The following FRMD4A variants were observed in gnomAD, a reference collection of about 807,000 sequenced individuals.
FRMD4A encodes the protein FERM domain-containing protein 4A.
In FRMD4A, 29 loss-of-function variants were observed where a neutral mutation model predicts 129.1. The observed-to-expected ratio is 0.22, with a 90% CI of 0.17 to 0.31. The LOEUF (loss-of-function observed/expected upper bound fraction) is 0.31, where lower values mean the gene tolerates loss of function less well. Ranked by LOEUF, FRMD4A falls within the 10% of genes least tolerant of loss-of-function variation. The pLI is 1.00. For missense variants in FRMD4A, 1,272 were observed against 1,375.8 expected, an observed-to-expected ratio of 0.92 and a Z score of 1.19; for synonymous variants, 634 against 571.6, an observed-to-expected ratio of 1.11 and a Z score of -1.56.
chr10:14,252,270 G>A (rs1589229776), intron 2 of FRMD4A, among the ~76,000 whole-genome samples: 4 of 152,036 alleles, frequency 2.6e-5, no homozygotes, highest in Middle Eastern at 3.2e-3. Flanking sequence ...CTAACTACAG[G>A]AAATTATCAA....
At chr10:14,100,493 C>A (rs1588974790) in intron 2 of FRMD4A, among the ~76,000 whole-genome samples, 1 of 152,092 alleles carries the variant, frequency 6.6e-6, no homozygotes, top group Non-Finnish European at 1.5e-5. Context: ...AATGACTTTT[C>A]CACCCTATTT....
chr10:13,656,722 C>G lies in FRMD4A; in HGVS notation c.2867G>C (p.Gly956Ala). The change falls in exon 22 of 25, where the codon GGC (glycine) becomes GCC (alanine). Residue 956 changes from glycine (G) to alanine (A), a missense_variant. By Grantham distance (60) the Gly-to-Ala change is moderately conservative. Coordinates refer to ENST00000357447, the MANE Select transcript of FRMD4A (RefSeq NM_018027.5). The stretch of plus-strand genomic sequence containing the variant: ...CTGGGAGGAGGTGCTGTACTGCGAG[C>G]CGCTGTCCGAGGAGGTGGAGCTGGT... ...SHTSSTSSDS[G>A]SQYSTSSQST... 1.3e-6 allele frequency: 2 copies of G among 1,589,572 alleles called. No individual in the cohort carries two copies. Among genetic ancestry groups the G allele is most frequent in the Non-Finnish European group, 1.7e-6 (2 of 1,169,280 alleles).
rs2094848818 is a variant in FRMD4A at position 13,903,777 on chromosome 10, A to G, written c.46-44865T>C. On this transcript the variant is annotated intron_variant, in intron 2 of 24. Transcript: ENST00000357447. ...ATGTGCCTGTGGTCCCAGCTACCCT[A>G]GAGGCAGAAGTGGGAAGATGGTGTG... 2.6e-5 allele frequency among the ~76,000 whole-genome samples: 4 copies of G among 152,096 alleles called. No individual in the cohort carries two copies. In the South Asian group the frequency reaches 8.3e-4, roughly 32 times the overall value.
chr10:13,782,784 CCATTT>C (rs2130782409), intron 6 of FRMD4A, 133 bp downstream of exon 6: 4 of 656,946 alleles, frequency 6.1e-6, no homozygotes, highest in Non-Finnish European at 1.1e-5. Flanking sequence ...TCATAACATT[CCATTT>C]ATTTATAGTA....
chr10:14,133,136 A>G (rs75786462), intron 2 of FRMD4A, among the ~76,000 whole-genome samples: 3,609 of 152,284 alleles, frequency 0.024, 66 homozygotes, highest in South Asian at 0.037. Context: ...AATGATTTCA[A>G]TTTAGCACAT....
chr10:13,758,623 A>C (rs1404710619), intron 8 of FRMD4A, among the ~76,000 whole-genome samples: 1 of 152,080 alleles, frequency 6.6e-6, no homozygotes, highest in Non-Finnish European at 1.5e-5. Context: ...TGCCTTATGC[A>C]GGGGAGGAGA....
chr10:13,974,878 C>T (rs1219102480), intron 2 of FRMD4A, among the ~76,000 whole-genome samples: 1 of 152,232 alleles, frequency 6.6e-6, no homozygotes, highest in Non-Finnish European at 1.5e-5. Flanking sequence ...CAGCTCCCCA[C>T]GTGGCCTCTG....
At chr10:14,161,813 T>C (rs1366726534) in intron 2 of FRMD4A, among the ~76,000 whole-genome samples, 1 of 152,192 alleles carries the variant, frequency 6.6e-6, no homozygotes, top group Admixed American at 6.5e-5. Flanking sequence ...TTTGAAATGT[T>C]CTCAACACAA....
chr10:14,286,705 T>C (rs1180533623), intron 2 of FRMD4A, among the ~76,000 whole-genome samples: 2 of 152,158 alleles, frequency 1.3e-5, no homozygotes, highest in Admixed American at 1.3e-4. Flanking sequence ...GAGGCCGTAA[T>C]CTTTCCCCAG....
intron 2 of FRMD4A, among the ~76,000 whole-genome samples, chr10:13,884,206 A>ACACACACACT (rs2094589487): frequency 1.2e-5 from 1 of 83,336 alleles, no homozygotes; most frequent in East Asian, 3.5e-4. Context: ...TCACACACAC[A>ACACACACACT]CTCACACACA....
At chr10:14,193,587 T>G (rs899081975) in intron 2 of FRMD4A, among the ~76,000 whole-genome samples, 1 of 151,476 alleles carries the variant, frequency 6.6e-6, no homozygotes, top group African/African-American at 2.4e-5. Context: ...TACAATTTAG[T>G]TGGGCAAAGA....
chr10:13,995,677 C>T (rs1482562666), intron 2 of FRMD4A, among the ~76,000 whole-genome samples: 2 of 152,202 alleles, frequency 1.3e-5, no homozygotes, highest in Admixed American at 6.5e-5. Context: ...TCAAATGGCA[C>T]GGCATGTGGC....
intron 2 of FRMD4A, among the ~76,000 whole-genome samples, chr10:14,235,639 C>T (rs1357646688): frequency 6.6e-6 from 1 of 152,226 alleles, no homozygotes; most frequent in Non-Finnish European, 1.5e-5. Context: ...GAATCCACCA[C>T]TGCCACGGGT....
In FRMD4A at chr10:14,092,859, C is replaced by A. The variant is rs1216625317; in HGVS notation, c.46-233947G>T. On this transcript the variant is annotated intron_variant, in intron 2 of 24. Coordinates refer to ENST00000357447, the MANE Select transcript of FRMD4A (RefSeq NM_018027.5). ...GCAAGATAGGACTAGATGAGGTCAA[C>A]TGCTCTCCAGAATGGGACTCAGGCC... Among the ~76,000 whole-genome samples the A allele has an allele frequency of 2.6e-5, 4 of 152,344 alleles. No individual in the cohort carries two copies. In the South Asian group the frequency reaches 6.2e-4, roughly 24 times the overall value.
At chr10:14,179,618 T>G (rs1001607790) in intron 2 of FRMD4A, among the ~76,000 whole-genome samples, 1 of 152,256 alleles carries the variant, frequency 6.6e-6, no homozygotes, top group Non-Finnish European at 1.5e-5. Flanking sequence ...GATTTAATAT[T>G]AAGTGCTTAA....
intron 2 of FRMD4A, among the ~76,000 whole-genome samples, chr10:14,121,434 A>G (rs1348589843): frequency 2.0e-5 from 3 of 152,196 alleles, no homozygotes; most frequent in Non-Finnish European, 4.4e-5. Flanking sequence ...AGTGGGCCCA[A>G]AATGGGCCTG....
chr10:14,277,949 G>C (rs560530284), intron 2 of FRMD4A, among the ~76,000 whole-genome samples: 1 of 152,228 alleles, frequency 6.6e-6, no homozygotes, highest in Non-Finnish European at 1.5e-5. Flanking sequence ...TGAGGGAGTG[G>C]GCCATGCCTT....
chr10:13,999,656 A>T (rs777572972), intron 2 of FRMD4A, among the ~76,000 whole-genome samples: 7 of 152,248 alleles, frequency 4.6e-5, no homozygotes, highest in African/African-American at 7.2e-5. Flanking sequence ...TAGGAAAATG[A>T]TCAGAAGGAT....
intron 5 of FRMD4A, among the ~76,000 whole-genome samples, chr10:13,788,740 A>G (rs574147423): frequency 9.8e-5 from 15 of 152,356 alleles, no homozygotes; most frequent in Admixed American, 2.0e-4. Context: ...TTTATCAGAG[A>G]GTCTGAAGGA....
Sources: allele counts gnomAD v4.1 joint callset (sites outside exome capture counted in the v4.1 genomes callset), GRCh38; gene constraint gnomAD v4.1.1; transcripts MANE v1.5; gene names NCBI Gene and HGNC (gene_info 2026-07-23, HGNC 2026-07-21).